The following FLT3 variants were observed in gnomAD, a reference collection of about 807,000 sequenced individuals.
FLT3 encodes fms related receptor tyrosine kinase 3, also known as receptor-type tyrosine-protein kinase FLT3.
A neutral mutation model predicts 126.6 loss-of-function variants in FLT3; 46 were observed. That is an observed-to-expected ratio of 0.36 (90% CI 0.29 to 0.46). The LOEUF is 0.46. Ranked by LOEUF, FLT3 falls within the 20% of genes least tolerant of loss-of-function variation. The probability of loss-of-function intolerance (pLI) is 1.00; values close to 1 mark genes in which losing one functional copy is unlikely to be tolerated. For missense variants in FLT3, 1,069 were observed against 1,190.3 expected (o/e 0.90, Z 1.50); for synonymous variants, 404 against 434.4 (o/e 0.93, Z 0.87).
chr13:28,033,297 A>AAAAATGAAAC (rs1555253945), intron 15 of FLT3, among the ~76,000 whole-genome samples: 1 of 151,700 alleles, frequency 6.6e-6, no homozygotes, highest in Non-Finnish European at 1.5e-5. Context: ...TCCTGTCTCT[A>AAAAATGAAAC]AAAATAAAAC....
At chr13:28,029,526 C>T (rs1192379125) in intron 15 of FLT3, among the ~76,000 whole-genome samples, 1 of 152,146 alleles carries the variant, frequency 6.6e-6, no homozygotes, top group Non-Finnish European at 1.5e-5. Flanking sequence ...AACAAACAAA[C>T]AAAATAATAA....
chr13:28,020,140 A>G (rs1242384006), intron 19 of FLT3, among the ~76,000 whole-genome samples: 1 of 152,018 alleles, frequency 6.6e-6, no homozygotes, highest in African/African-American at 2.4e-5. Context: ...TTCCTATCCT[A>G]TCCCACATTC....
intron 1 of FLT3, among the ~76,000 whole-genome samples, chr13:28,087,641 T>G (rs530396565): frequency 6.6e-6 from 1 of 152,280 alleles, no homozygotes; most frequent in South Asian, 2.1e-4. Flanking sequence ...ATTCTCTCCT[T>G]TAGGGACTCT....
chr13:28,096,515 C>A (rs1332956270), intron 1 of FLT3, among the ~76,000 whole-genome samples: 1 of 151,902 alleles, frequency 6.6e-6, no homozygotes, highest in African/African-American at 2.4e-5. Flanking sequence ...TGGCTCACTG[C>A]AACCTCTGCC....
At chr13:28,041,247 C>T (rs954468577) in intron 9 of FLT3, among the ~76,000 whole-genome samples, 7 of 152,124 alleles carry the variant, frequency 4.6e-5, no homozygotes, top group African/African-American at 1.2e-4. Context: ...AGAAGAAAGA[C>T]GTGAGCTTCT....
At position 28,055,055 on chromosome 13, in the gene FLT3, TGAG is replaced by T. The variant is rs1875888886; in HGVS notation, c.484+2289_484+2291del. On this transcript the variant is annotated intron_variant, in intron 4 of 23. Transcript: ENST00000241453. ...GAACTGCAAGTATTTTTTCCCATCT[TGAG>T]GTGATTTTTACTTTTTCTCCCTGTA... is the stretch of plus-strand genomic sequence containing the variant. Among the ~76,000 whole-genome samples the T allele has an allele frequency of 2.0e-5, 3 of 152,364 alleles. No individual in the cohort carries two copies. The South Asian group carries it at 6.2e-4, about 32-fold the overall frequency.
chr13:28,082,000 T>G (rs1017902083), intron 1 of FLT3, among the ~76,000 whole-genome samples: 1 of 151,108 alleles, frequency 6.6e-6, no homozygotes, highest in Non-Finnish European at 1.5e-5. Flanking sequence ...GGATTACAGG[T>G]GCCCACCATC....
At chr13:28,039,777 A>T (rs967451163) in intron 9 of FLT3, among the ~76,000 whole-genome samples, 2 of 151,840 alleles carry the variant, frequency 1.3e-5, no homozygotes, top group South Asian at 4.2e-4. Flanking sequence ...TGAATTCCTG[A>T]CCTCATGTGA....
intron 12 of FLT3, 79 bp from the exon 13 acceptor site, chr13:28,034,486 C>G: frequency 1.0e-6 from 1 of 977,274 alleles, no homozygotes; most frequent in Non-Finnish European, 1.6e-6. Flanking sequence ...TCATTATAAT[C>G]TCTCACATCC....
At chr13:28,064,064 G>C (rs1053618535) in intron 2 of FLT3, among the ~76,000 whole-genome samples, 4 of 152,050 alleles carry the variant, frequency 2.6e-5, no homozygotes, top group Non-Finnish European at 4.4e-5. Context: ...TTGAGCCCAG[G>C]AGTTCAAGTC....
intron 15 of FLT3, among the ~76,000 whole-genome samples, chr13:28,031,390 G>C (rs1873329966): frequency 6.6e-6 from 1 of 152,146 alleles, no homozygotes; most frequent in East Asian, 1.9e-4. Context: ...ATGGTGGAAG[G>C]GGAGGAGAAC....
At chr13:28,055,560 C>T (rs747693937) in intron 4 of FLT3, among the ~76,000 whole-genome samples, 27 of 152,214 alleles carry the variant, frequency 1.8e-4, no homozygotes, top group Non-Finnish European at 3.1e-4. Context: ...GTTGACTAAA[C>T]CCTTTCCTCT....
intron 1 of FLT3, among the ~76,000 whole-genome samples, chr13:28,095,672 A>C (rs753242511): frequency 6.6e-6 from 1 of 152,178 alleles, no homozygotes; most frequent in Non-Finnish European, 1.5e-5. Flanking sequence ...CTTTTTGTCA[A>C]ATCAAAATCT....
At chr13:28,091,463 C>T (rs1002133432) in intron 1 of FLT3, among the ~76,000 whole-genome samples, 8 of 151,088 alleles carry the variant, frequency 5.3e-5, no homozygotes, top group Non-Finnish European at 8.9e-5. Context: ...CCTCGTGATC[C>T]GCCCGCCTCG....
intron 9 of FLT3, among the ~76,000 whole-genome samples, chr13:28,047,134 A>G (rs912734652): frequency 2.0e-5 from 3 of 152,116 alleles, no homozygotes; most frequent in Non-Finnish European, 4.4e-5. Flanking sequence ...CCCAGTTTTG[A>G]GTCAGCATGT....
chr13:28,072,056 T>C (rs964628638), intron 1 of FLT3, among the ~76,000 whole-genome samples: 1 of 151,956 alleles, frequency 6.6e-6, no homozygotes, highest in East Asian at 1.9e-4. Flanking sequence ...TTTGTTTCTT[T>C]GGGGGTATTA....
At position 28,034,344 on chromosome 13, in the gene FLT3, A is replaced by G. The variant is rs746169422; in HGVS notation, c.1661T>C (p.Phe554Ser). 2.5e-6 allele frequency: 4 copies of G among 1,614,022 alleles called. No homozygotes were observed. In the Admixed American group the frequency reaches 5.0e-5, roughly 20 times the overall value. Residue 554 changes from phenylalanine to serine, a missense_variant, in exon 13 of 24, where the codon TTC becomes TCC. Transcript: ENST00000241453. ...AATTAGCAGGGTTAAAACGACAATG[A>G]AGAGGAGACAAACACCAATTGTTGC... ...FYATIGVCLL[F>S]IVVLTLLICH...
At chr13:28,015,052 A>C in intron 22 of FLT3, 105 bp downstream of exon 22, 1 of 688,252 alleles carries the variant, frequency 1.5e-6, no homozygotes, top group Non-Finnish European at 2.6e-6. Flanking sequence ...AAAGAATCCT[A>C]TACGCTTTGC....
intron 4 of FLT3, 71 bp downstream of exon 4, chr13:28,057,276 C>T (rs927091042): frequency 3.5e-5 from 27 of 779,738 alleles, no homozygotes; most frequent in East Asian, 1.5e-4. Context: ...GTCAAGCTAA[C>T]GGGTTCTAAA....
Sources: allele counts gnomAD v4.1 joint callset (sites outside exome capture counted in the v4.1 genomes callset), GRCh38; gene constraint gnomAD v4.1.1; transcripts MANE v1.5; gene names NCBI Gene and HGNC (gene_info 2026-07-23, HGNC 2026-07-21).